TMEM65: variants seen among roughly 807,000 people sequenced by gnomAD.
TMEM65 encodes the protein transmembrane protein 65.
TMEM65 carries 22 observed loss-of-function variants against 25.4 expected under a neutral mutation model. The ratio of observed to expected loss-of-function variants is 0.86; its 90% confidence interval spans 0.62 to 1.23. The LOEUF (loss-of-function observed/expected upper bound fraction) is 1.23. TMEM65 is among the 50% of genes most tolerant of loss of function. The probability of loss-of-function intolerance (pLI) is 0.00; values close to 1 mark genes in which losing one functional copy is unlikely to be tolerated. For synonymous variants in TMEM65, 132 were observed against 126.2 expected, an observed-to-expected ratio of 1.05 and a Z score of -0.31; for missense variants, 262 against 308.2, an observed-to-expected ratio of 0.85 and a Z score of 1.12.
intron 6 of TMEM65, among the ~76,000 whole-genome samples, chr8:124,316,293 T>C (rs991326413): frequency 6.6e-6 from 1 of 152,212 alleles, no homozygotes; most frequent in African/African-American, 2.4e-5. Context: ...CCATCTGTAA[T>C]ACTGTTTTAT....
chr8:124,355,348 A>C, intron 1 of TMEM65, among the ~76,000 whole-genome samples: 1 of 152,184 alleles, frequency 6.6e-6, no homozygotes, highest in East Asian at 1.9e-4. Context: ...TATTATCATT[A>C]TCACATTTGC....
intron 1 of TMEM65, among the ~76,000 whole-genome samples, chr8:124,348,724 T>C (rs1293263021): frequency 2.6e-5 from 4 of 152,036 alleles, no homozygotes; most frequent in Non-Finnish European, 5.9e-5. Context: ...GCAGCAGAGG[T>C]TTTTCGGTGT....
chr8:124,355,743 T>G (rs1415535965), intron 1 of TMEM65, among the ~76,000 whole-genome samples: 2 of 152,208 alleles, frequency 1.3e-5, no homozygotes, highest in Non-Finnish European at 2.9e-5. Flanking sequence ...AGCAATCAAC[T>G]GGCCCTAAAT....
At position 124,308,918 on chromosome 8, in the gene TMEM65, T is replaced by G. The variant is rs1405921309; in HGVS notation, c.*5042A>C. On this transcript the variant is annotated 3_prime_UTR_variant, in exon 7 of 7. Transcript: ENST00000297632. ...AAAAAGCAAAACATCAGACAGAAGT[T>G]ACAATGCATTTTCATAATTACACGT... 1.3e-5 allele frequency: 2 copies of G among 152,192 alleles called. No individual in the cohort carries two copies. Among genetic ancestry groups the G allele is most frequent in the African/African-American group, 4.8e-5 (2 of 41,438 alleles). The allele number at this position is 152,192 out of a possible 1,614,324, so 9.4% of individuals were successfully genotyped here.
At chr8:124,356,440 G>A (rs976877338) in intron 1 of TMEM65, among the ~76,000 whole-genome samples, 1 of 152,132 alleles carries the variant, frequency 6.6e-6, no homozygotes, top group Admixed American at 6.5e-5. Context: ...TCTGACTTAT[G>A]AGTAAAGAGA....
intron 1 of TMEM65, among the ~76,000 whole-genome samples, chr8:124,331,874 A>C (rs1814436624): frequency 6.6e-6 from 1 of 152,198 alleles, no homozygotes; most frequent in Non-Finnish European, 1.5e-5. Context: ...AAAAAGTAAA[A>C]GTCAAATCTC....
intron 4 of TMEM65, among the ~76,000 whole-genome samples, chr8:124,322,904 G>A (rs1239418222): frequency 6.6e-6 from 1 of 152,060 alleles, no homozygotes; most frequent in East Asian, 1.9e-4. Context: ...GCTGAGATAG[G>A]AGAATCCCTT....
In TMEM65 at chr8:124,312,914, G is replaced by C. The variant is rs1402401296; in HGVS notation, c.*1046C>G. The C allele has an allele frequency of 6.6e-6, 1 of 151,152 alleles. No individual in the cohort carries two copies. Among genetic ancestry groups the C allele is most frequent in the African/African-American group, 2.4e-5 (1 of 41,238 alleles). 9.4% of individuals were successfully genotyped at this position (151,152 alleles called of 1,614,324 possible). On this transcript the variant is annotated 3_prime_UTR_variant, in exon 7 of 7. Coordinates refer to ENST00000297632, the MANE Select transcript of TMEM65 (RefSeq NM_194291.3). ...ACTAAATAAGATATAATGAGATTAG[G>C]AGTATGAATATGGGGTATTCAGACT...
intron 1 of TMEM65, among the ~76,000 whole-genome samples, chr8:124,341,697 G>A (rs1197535754): frequency 6.6e-6 from 1 of 151,938 alleles, no homozygotes; most frequent in Non-Finnish European, 1.5e-5. Flanking sequence ...TTGAAGTCTA[G>A]TCTTGTAATT....
intron 1 of TMEM65, among the ~76,000 whole-genome samples, chr8:124,349,371 G>T (rs558621514): frequency 6.6e-6 from 1 of 151,966 alleles, no homozygotes; most frequent in East Asian, 1.9e-4. Context: ...AAAATAAAGA[G>T]GAGAAAATCA....
Position 124,320,131 on chromosome 8 carries a change from T to G in TMEM65, c.576A>C (p.Thr192=). 2.5e-6 allele frequency: 4 copies of G among 1,613,384 alleles called. No homozygotes were observed. Among genetic ancestry groups the G allele is most frequent in the Non-Finnish European group, 3.4e-6 (4 of 1,179,486 alleles). Residue 192 remains threonine (T), a synonymous_variant, in exon 6 of 7, where the codon ACA becomes ACC. Coordinates refer to ENST00000297632, the MANE Select transcript of TMEM65 (RefSeq NM_194291.3). ...TTTGCCACATGTCAACTTGCTTTGG[T>G]GTGAGATCAGGAATTGACAGGCCTA... is the stretch of plus-strand genomic sequence containing the variant. ...SRLGLSIPDL[T]PKQVDMWQTR...
chr8:124,364,046 C>T (rs1357040097), intron 1 of TMEM65, among the ~76,000 whole-genome samples: 1 of 151,862 alleles, frequency 6.6e-6, no homozygotes, highest in Non-Finnish European at 1.5e-5. Context: ...AAAGAAAGAT[C>T]TTTAGTACAA....
At chr8:124,317,064 C>T (rs1814246103) in intron 6 of TMEM65, among the ~76,000 whole-genome samples, 1 of 152,074 alleles carries the variant, frequency 6.6e-6, no homozygotes, top group Non-Finnish European at 1.5e-5. Flanking sequence ...GTAATTATTG[C>T]AGATTTAAAG....
intron 1 of TMEM65, among the ~76,000 whole-genome samples, chr8:124,340,979 G>A (rs189809015): frequency 2.8e-4 from 42 of 152,146 alleles, no homozygotes; most frequent in Admixed American, 2.4e-3. Flanking sequence ...ATGATTCATA[G>A]ATTTGCAAAT....
At chr8:124,370,271 C>T (rs890690839) in intron 1 of TMEM65, among the ~76,000 whole-genome samples, 4 of 152,088 alleles carry the variant, frequency 2.6e-5, no homozygotes, top group Admixed American at 6.5e-5. Flanking sequence ...ATTCATAGGG[C>T]CCTCCAATCT....
At chr8:124,339,222 A>AAAAAAAAAAATATATATAT (rs1563594368) in intron 1 of TMEM65, among the ~76,000 whole-genome samples, 1 of 19,906 alleles carries the variant, frequency 5.0e-5, no homozygotes, top group African/African-American at 2.6e-4. Context: ...AAAAAAAAAA[A>AAAAAAAAAAATATATATAT]ATATATATAT....
chr8:124,343,644 G>A (rs1157504749), intron 1 of TMEM65, among the ~76,000 whole-genome samples: 1 of 152,052 alleles, frequency 6.6e-6, no homozygotes, highest in Non-Finnish European at 1.5e-5. Flanking sequence ...AGGTAAGGCT[G>A]ACCAGGAAAG....
intron 1 of TMEM65, among the ~76,000 whole-genome samples, chr8:124,362,138 C>G (rs60841838): frequency 6.6e-6 from 1 of 151,836 alleles, no homozygotes; most frequent in African/African-American, 2.4e-5. Flanking sequence ...GTGATCCACC[C>G]GCCTCGGCCT....
Position 124,367,068 on chromosome 8 carries a change from A to C in TMEM65, c.304+4786T>G, listed in dbSNP as rs138864520. Among the ~76,000 whole-genome samples, 3 of 152,280 alleles carry C rather than the reference A, an allele frequency of 2.0e-5. No individual in the cohort carries two copies. In the East Asian group the frequency reaches 5.8e-4, roughly 29 times the overall value. On this transcript the variant is annotated intron_variant, in intron 1 of 6. Transcript: ENST00000297632. ...TTACTATCTCAACAAAGGCACTGAA[A>C]TATCTTTATTCACGTATCTTTATTT...
Sources: allele counts gnomAD v4.1 joint callset (sites outside exome capture counted in the v4.1 genomes callset), GRCh38; gene constraint gnomAD v4.1.1; transcripts MANE v1.5; gene names NCBI Gene and HGNC (gene_info 2026-07-23, HGNC 2026-07-21).